Variants in GRIK2 observed in about 807,000 individuals in gnomAD.
GRIK2 encodes the protein glutamate ionotropic receptor kainate type subunit 2.
GRIK2 carries 32 observed loss-of-function variants against 100.3 expected under a neutral mutation model. The ratio of observed to expected loss-of-function variants is 0.32; its 90% confidence interval spans 0.24 to 0.43. The LOEUF (loss-of-function observed/expected upper bound fraction) is 0.43, where lower values mean the gene tolerates loss of function less well. GRIK2 is among the 20% of genes least tolerant of loss of function. GRIK2 has a pLI of 1.00. For missense variants in GRIK2, 843 were observed against 1,114.9 expected, an observed-to-expected ratio of 0.76 and a Z score of 3.47; for synonymous variants, 417 against 389.4, an observed-to-expected ratio of 1.07 and a Z score of -0.83.
chr6:101,821,849 AT>A (rs1781970775), intron 10 of GRIK2, among the ~76,000 whole-genome samples: 1 of 151,998 alleles, frequency 6.6e-6, no homozygotes. Flanking sequence ...TTCTCTTGAA[AT>A]ATCTTAGAGG....
chr6:101,929,585 T>G (rs1790130767), intron 14 of GRIK2, among the ~76,000 whole-genome samples: 1 of 152,178 alleles, frequency 6.6e-6, no homozygotes, highest in South Asian at 2.1e-4. Flanking sequence ...GTATTCTAAT[T>G]CTCACTATCG....
At chr6:101,719,937 GA>G (rs1774358110) in intron 7 of GRIK2, among the ~76,000 whole-genome samples, 1 of 150,440 alleles carries the variant, frequency 6.6e-6, no homozygotes, top group African/African-American at 2.5e-5. Context: ...AAAAGAAAGA[GA>G]GAGAAAAAAG....
intron 16 of GRIK2, among the ~76,000 whole-genome samples, chr6:102,057,013 T>G (rs1771496057): frequency 6.6e-6 from 1 of 151,984 alleles, no homozygotes; most frequent in African/African-American, 2.4e-5. Context: ...AGTACACTTT[T>G]TATGTTATAA....
intron 15 of GRIK2, among the ~76,000 whole-genome samples, chr6:102,037,230 T>TA (rs1202822264): frequency 1.3e-5 from 2 of 151,322 alleles, no homozygotes; most frequent in Non-Finnish European, 3.0e-5. Context: ...AACGAGTTCT[T>TA]ACTCCCAAAA....
At position 102,051,510 on chromosome 6, in the gene GRIK2, T is replaced by G. The variant is rs147769464; in HGVS notation, c.2312-3820T>G. Among the ~76,000 whole-genome samples the G allele has an allele frequency of 3.1e-3, 474 of 152,232 alleles. 1 individual carries two copies. The highest frequency in any genetic ancestry group is 0.011 in the African/African-American group (461 of 41,552). ...TTGAAATGAAGATTCAAGGCCTAAT[T>G]TGGCTTTAAAAGTGTTGGGTTTATC... is the stretch of plus-strand genomic sequence containing the variant. On this transcript the variant is annotated intron_variant, in intron 15 of 16. Transcript: ENST00000369134.
chr6:101,785,640 T>C (rs1285525036), intron 7 of GRIK2, among the ~76,000 whole-genome samples: 1 of 152,154 alleles, frequency 6.6e-6, no homozygotes, highest in Non-Finnish European at 1.5e-5. Flanking sequence ...TATATGGATT[T>C]ATTTCTGGAT....
intron 2 of GRIK2, among the ~76,000 whole-genome samples, chr6:101,589,595 C>T (rs1778545774): frequency 6.6e-6 from 1 of 152,096 alleles, no homozygotes; most frequent in Non-Finnish European, 1.5e-5. Flanking sequence ...AACATAATGT[C>T]CTCCAGGTTA....
intron 7 of GRIK2, among the ~76,000 whole-genome samples, chr6:101,775,549 G>GTGTATAT (rs777886825): frequency 2.8e-4 from 1 of 3,630 alleles, no homozygotes; most frequent in African/African-American, 3.9e-4. Flanking sequence ...ATATGTGTGT[G>GTGTATAT]AGATATATAT....
At chr6:102,024,459 G>A (rs1355474804) in intron 14 of GRIK2, among the ~76,000 whole-genome samples, 1 of 151,266 alleles carries the variant, frequency 6.6e-6, no homozygotes, top group Non-Finnish European at 1.5e-5. Context: ...ACATTTACTA[G>A]TTCATCACTG....
At chr6:101,868,775 A>G (rs1013382157) in intron 11 of GRIK2, among the ~76,000 whole-genome samples, 1 of 151,852 alleles carries the variant, frequency 6.6e-6, no homozygotes, top group Admixed American at 6.6e-5. Context: ...AGTAAATTTG[A>G]GTAATAGAAA....
intron 1 of GRIK2, among the ~76,000 whole-genome samples, chr6:101,395,998 G>GTAGT (rs1467439606): frequency 6.6e-6 from 1 of 152,182 alleles, no homozygotes; most frequent in Non-Finnish European, 1.5e-5. Flanking sequence ...TCCAATAGCA[G>GTAGT]TAGTTTTCTC....
At chr6:101,513,543 T>C (rs1215828157) in intron 2 of GRIK2, among the ~76,000 whole-genome samples, 1 of 152,212 alleles carries the variant, frequency 6.6e-6, no homozygotes, top group Admixed American at 6.5e-5. Flanking sequence ...TTTCAAAATA[T>C]GGCTAAGAAG....
chr6:101,884,954 T>A (rs1786510733), intron 11 of GRIK2, among the ~76,000 whole-genome samples: 1 of 152,122 alleles, frequency 6.6e-6, no homozygotes, highest in South Asian at 2.1e-4. Context: ...GTTAATAAGA[T>A]AGCTGCTGTG....
At chr6:101,776,000 A>T (rs976548378) in intron 7 of GRIK2, among the ~76,000 whole-genome samples, 15 of 152,176 alleles carry the variant, frequency 9.9e-5, no homozygotes, top group Non-Finnish European at 5.9e-5. Flanking sequence ...GTTCAAAAAC[A>T]TAAGTCATAA....
intron 7 of GRIK2, among the ~76,000 whole-genome samples, chr6:101,732,606 G>C (rs1278525712): frequency 6.6e-6 from 1 of 152,016 alleles, no homozygotes; most frequent in Non-Finnish European, 1.5e-5. Flanking sequence ...CTTTGCCTCT[G>C]TGTTTTCATT....
rs1377966484 is a variant in GRIK2, at chr6:101,791,886, TG to T, written c.952-7761del. On this transcript the variant is annotated intron_variant, in intron 7 of 16. Coordinates refer to ENST00000369134, the MANE Select transcript of GRIK2 (RefSeq NM_021956.5). Reference sequence around the variant, plus strand: ...TCAGGACTTGCTTTATGAATCTGGGTGCTCCTGTATTGGGTGCATATATATT... The same window carrying T: ...TCAGGACTTGCTTTATGAATCTGGGTCTCCTGTATTGGGTGCATATATATT... Among the ~76,000 whole-genome samples, 27 of 152,006 alleles carry T rather than the reference TG, an allele frequency of 1.8e-4. 1 individual carries two copies. Among genetic ancestry groups the T allele is most frequent in the Middle Eastern group, 6.8e-3 (2 of 292 alleles).
intron 6 of GRIK2, among the ~76,000 whole-genome samples, chr6:101,683,597 G>C (rs1198344577): frequency 6.6e-6 from 1 of 152,000 alleles, no homozygotes; most frequent in Non-Finnish European, 1.5e-5. Flanking sequence ...GTATCTCCAA[G>C]TTTGGACTTC....
chr6:101,752,363 G>A (rs1380844193), intron 7 of GRIK2, among the ~76,000 whole-genome samples: 3 of 151,914 alleles, frequency 2.0e-5, no homozygotes, highest in Non-Finnish European at 4.4e-5. Flanking sequence ...TTTTGCCCCA[G>A]CCCTAAATTA....
At chr6:102,024,494 G>GGAAAT (rs1415588570) in intron 14 of GRIK2, among the ~76,000 whole-genome samples, 1 of 151,170 alleles carries the variant, frequency 6.6e-6, no homozygotes, top group East Asian at 2.0e-4. Context: ...TCTGTATCCA[G>GGAAAT]GAAATGAATA....
Sources: gnomAD v4.1 joint callset for allele counts (sites outside exome capture counted in the v4.1 genomes callset) on GRCh38, gnomAD v4.1.1 for gene constraint, MANE v1.5 for transcripts, NCBI Gene and HGNC (gene_info 2026-07-23, HGNC 2026-07-21) for gene names.